MTRF1: variants seen among roughly 807,000 people sequenced by gnomAD.
MTRF1 encodes the protein mitochondrial translation release factor 1.
In MTRF1, 51 loss-of-function variants were observed where a neutral mutation model predicts 62.9. The observed-to-expected ratio is 0.81, with a 90% confidence interval of 0.65 to 1.02. The LOEUF (loss-of-function observed/expected upper bound fraction) is 1.02, where lower values mean the gene tolerates loss of function less well. Among genes scored for constraint, MTRF1 ranks in the 50% least tolerant of loss-of-function variants. The pLI, the probability that MTRF1 is intolerant of heterozygous loss-of-function variation, is 0.00. For synonymous variants in MTRF1, 158 were observed against 181.9 expected (o/e 0.87, Z 1.06); for missense variants, 446 against 530.0 (o/e 0.84, Z 1.56).
chr13:41,264,439 T>A (rs2040770626), upstream of MTRF1, among the ~76,000 whole-genome samples: 1 of 152,244 alleles, frequency 6.6e-6, no homozygotes, highest in African/African-American at 2.4e-5. Flanking sequence ...ATCCAGCCCT[T>A]GGCTATCGCA....
the MTRF1 span, among the ~76,000 whole-genome samples, chr13:41,309,489 T>C: frequency 0.055 from 8,370 of 152,132 alleles, 291 homozygotes; most frequent in Non-Finnish European, 0.074. Context: ...TGCACCTGGC[T>C]GTGCATGTGT....
the MTRF1 span, among the ~76,000 whole-genome samples, chr13:41,290,056 C>A: frequency 4.2e-5 from 6 of 143,100 alleles, no homozygotes; most frequent in East Asian, 8.2e-4. Context: ...AAACTTATTT[C>A]TCATTGGCAA....
the MTRF1 span, among the ~76,000 whole-genome samples, chr13:41,304,902 A>G: frequency 0.088 from 13,389 of 152,328 alleles, 751 homozygotes; most frequent in East Asian, 0.23. Flanking sequence ...ATTCAGGCCC[A>G]GTTAGACACT....
chr13:41,280,909 A>G, the MTRF1 span, among the ~76,000 whole-genome samples: 1 of 152,186 alleles, frequency 6.6e-6, no homozygotes, highest in East Asian at 1.9e-4. Context: ...TGCTTCTAGC[A>G]TTTGTATTTG....
chr13:41,244,347 CT>C (rs961443679), intron 5 of MTRF1, among the ~76,000 whole-genome samples: 6 of 152,154 alleles, frequency 3.9e-5, no homozygotes, highest in Admixed American at 6.6e-5. Context: ...GGTCTTTTCC[CT>C]TTTTTGTAAG....
chr13:41,271,688 G>A, the MTRF1 span, among the ~76,000 whole-genome samples: 12 of 152,184 alleles, frequency 7.9e-5, no homozygotes, highest in African/African-American at 2.6e-4. Context: ...CAGTAGGGCC[G>A]CTGCACATCA....
chr13:41,285,693 T>C, the MTRF1 span, among the ~76,000 whole-genome samples: 1 of 152,186 alleles, frequency 6.6e-6, no homozygotes, highest in African/African-American at 2.4e-5. Flanking sequence ...ATAGGAGATC[T>C]GTGAATTGTT....
chr13:41,302,405 G>GAGA, the MTRF1 span, among the ~76,000 whole-genome samples: 1 of 86,578 alleles, frequency 1.2e-5, no homozygotes, highest in East Asian at 2.9e-4. Context: ...GAGAGAGAGA[G>GAGA]ACCTTTGTTC....
At chr13:41,290,834 T>C in the MTRF1 span, among the ~76,000 whole-genome samples, 5 of 151,454 alleles carry the variant, frequency 3.3e-5, no homozygotes, top group African/African-American at 4.8e-5. Flanking sequence ...GGCTCATGCC[T>C]GTAATCCCAG....
intron 9 of MTRF1, chr13:41,220,716 CTG>C: frequency 1.5e-6 from 1 of 682,868 alleles, no homozygotes; most frequent in Non-Finnish European, 2.3e-6. Flanking sequence ...TTGCTTTTCT[CTG>C]TGTATCAATT....
At chr13:41,220,771 A>G (rs944387112) in intron 9 of MTRF1, 12 of 406,158 alleles carry the variant, frequency 3.0e-5, no homozygotes, top group African/African-American at 2.1e-4. Flanking sequence ...GGTGGCTGAA[A>G]ATGTGGCCTC....
the MTRF1 span, among the ~76,000 whole-genome samples, chr13:41,308,543 T>C: frequency 3.3e-5 from 5 of 152,252 alleles, no homozygotes; most frequent in East Asian, 9.7e-4. Context: ...ATGAGGGTGC[T>C]GAGAGGAGGC....
At chr13:41,234,731 A>G (rs1301816062) in intron 6 of MTRF1, among the ~76,000 whole-genome samples, 1 of 152,248 alleles carries the variant, frequency 6.6e-6, no homozygotes, top group African/African-American at 2.4e-5. Context: ...AGTCATTTGC[A>G]GACATGCATA....
chr13:41,223,349 T>A lies in MTRF1; in HGVS notation c.1131A>T (p.Gly377=). 1 of 1,613,800 alleles carries A rather than the reference T, an allele frequency of 6.2e-7. No individual in the cohort carries two copies. Among genetic ancestry groups the A allele is most frequent in the Non-Finnish European group, 8.5e-7 (1 of 1,179,830 alleles). Reference sequence around the variant, plus strand: ...GAATTCGCTCTGACTGGGCTCTTGTTCCCACCTGTGCCATAACAAAAAGCA... The same window carrying A: ...GAATTCGCTCTGACTGGGCTCTTGTACCCACCTGTGCCATAACAAAAAGCA... ...QQQSARKLQV[G]TRAQSERIRT... is the part of the protein sequence containing the mutation. Residue 377 remains glycine (G), a synonymous_variant, in exon 9 of 10, where the codon GGA becomes GGT. Coordinates refer to ENST00000379480, the MANE Select transcript of MTRF1 (RefSeq NM_004294.4).
At chr13:41,285,524 C>T in the MTRF1 span, among the ~76,000 whole-genome samples, 1 of 152,160 alleles carries the variant, frequency 6.6e-6, no homozygotes, top group Non-Finnish European at 1.5e-5. Context: ...CTGGATGCTA[C>T]AGACGAGTTC....
chr13:41,242,490 G>C (rs1484968457), intron 5 of MTRF1, among the ~76,000 whole-genome samples: 1 of 152,186 alleles, frequency 6.6e-6, no homozygotes, highest in Non-Finnish European at 1.5e-5. Flanking sequence ...GGCTAGGGTT[G>C]TCCACTACTA....
intron 9 of MTRF1, among the ~76,000 whole-genome samples, chr13:41,217,434 T>A (rs2138607660): frequency 6.6e-6 from 1 of 152,282 alleles, no homozygotes; most frequent in African/African-American, 2.4e-5. Context: ...TTAAAATAAA[T>A]CTTCTGAGAT....
At chr13:41,311,305 A>G in the MTRF1 span, 60 of 544,280 alleles carry the variant, frequency 1.1e-4, no homozygotes, top group Non-Finnish European at 2.2e-5. Context: ...GCTGGCCAAA[A>G]AGCGGAGCCC....
intron 5 of MTRF1, 72 bp downstream of exon 5, chr13:41,252,573 A>G (rs994117430): frequency 3.6e-5 from 43 of 1,202,954 alleles, no homozygotes; most frequent in Non-Finnish European, 4.8e-5. Flanking sequence ...ATGGGACAAT[A>G]TGGTTCTAAT....
Sources: allele counts gnomAD v4.1 joint callset (sites outside exome capture counted in the v4.1 genomes callset), GRCh38; gene constraint gnomAD v4.1.1; transcripts MANE v1.5; gene names NCBI Gene and HGNC (gene_info 2026-07-23, HGNC 2026-07-21).